The following LRRC58 variants were observed in gnomAD, a reference collection of about 807,000 sequenced individuals.
LRRC58 encodes the protein leucine-rich repeat-containing protein 58.
LRRC58 carries 18 observed loss-of-function variants against 30.6 expected under a neutral mutation model. The ratio of observed to expected loss-of-function variants is 0.59; its 90% CI spans 0.41 to 0.87. LRRC58 has a LOEUF of 0.87. LRRC58 is among the 40% of genes least tolerant of loss of function. LRRC58 has a pLI of 0.00. For missense variants in LRRC58, 420 were observed against 468.4 expected (o/e 0.90, Z 0.95); for synonymous variants, 221 against 206.0 (o/e 1.07, Z -0.62).
Position 120,348,947 on chromosome 3 carries a change from C to T in LRRC58, c.297G>A (p.Lys99=). The stretch of plus-strand genomic sequence containing the variant: ...CACTGGGCCCGCCGAGCCGGTTGTT[C>T]TTGGCCAGCAGCGTGCGCAGGCCGC... ...ALRGLRTLLA[K]NNRLGGPSAL... The change falls in exon 1 of 4, where the codon AAG becomes AAA. Residue 99 remains lysine (K), a synonymous_variant. Transcript: ENST00000295628. 6.4e-7 allele frequency: 1 copy of T among 1,556,870 alleles called. No individual in the cohort carries two copies. The highest frequency in any genetic ancestry group is 8.7e-7 in the Non-Finnish European group (1 of 1,152,866).
chr3:120,336,107 A>G (rs1267915554), intron 1 of LRRC58, among the ~76,000 whole-genome samples, 154 bp from the exon 2 acceptor site: 1 of 152,244 alleles, frequency 6.6e-6, no homozygotes, highest in Non-Finnish European at 1.5e-5. Flanking sequence ...GAAACAATGC[A>G]ATTTTCAGGG....
intron 1 of LRRC58, among the ~76,000 whole-genome samples, chr3:120,339,457 C>A (rs985720625): frequency 5.3e-5 from 8 of 152,086 alleles, no homozygotes; most frequent in African/African-American, 1.9e-4. Context: ...TGGAGTACAT[C>A]CTTCAGAAGT....
chr3:120,336,060 T>A, intron 1 of LRRC58, 107 bp from the exon 2 acceptor site: 1 of 794,644 alleles, frequency 1.3e-6, no homozygotes, highest in Non-Finnish European at 2.0e-6. Flanking sequence ...AGCAAATGTT[T>A]TACTTAAGAT....
At chr3:120,347,618 C>G (rs1487641721) in intron 1 of LRRC58, among the ~76,000 whole-genome samples, 2 of 151,174 alleles carry the variant, frequency 1.3e-5, no homozygotes. Context: ...GTCTCGATCT[C>G]CTGACCTCAT....
At chr3:120,332,647 G>A (rs1935773202) in intron 3 of LRRC58, among the ~76,000 whole-genome samples, 1 of 152,052 alleles carries the variant, frequency 6.6e-6, no homozygotes, top group Non-Finnish European at 1.5e-5. Flanking sequence ...GTATCTCTGA[G>A]AATATAAAAG....
Position 120,348,964 on chromosome 3 carries a change from G to A in LRRC58, c.280C>T (p.Arg94Cys). 1 of 1,539,712 alleles carries A rather than the reference G, an allele frequency of 6.5e-7. No homozygotes were observed. The highest frequency in any genetic ancestry group is 8.7e-7 in the Non-Finnish European group (1 of 1,146,098). The change falls in exon 1 of 4, where the codon CGC becomes TGC. Residue 94 changes from arginine (R) to cysteine (C), a missense_variant. By Grantham distance (180) the Arg-to-Cys change is radical (BLOSUM62 -3). Coordinates refer to ENST00000295628, the MANE Select transcript of LRRC58 (RefSeq NM_001099678.2). The stretch of plus-strand genomic sequence containing the variant: ...CGGTTGTTCTTGGCCAGCAGCGTGC[G>A]CAGGCCGCGCAGAGCGAGCAGCTCC... ...GPELLALRGL[R>C]TLLAKNNRLG...
In LRRC58 at chr3:120,349,139, C is replaced by A. The variant is rs369736137; in HGVS notation, c.105G>T (p.Arg35=). 6.0e-6 allele frequency: 9 copies of A among 1,504,540 alleles called. No individual in the cohort carries two copies. The highest frequency in any genetic ancestry group is 2.7e-5 in the East Asian group (1 of 36,412). The allele number at this position is 1,504,540 out of a possible 1,614,324, so 93.2% of individuals were successfully genotyped here. ...CCCGCGCCCCGCGCCGCTCCTCCCC[C>A]CGCGCCTCCAGCTCAGACTCCAGCG... ...TETLESELEA[R]GEERRGAREA... is the part of the protein sequence containing the mutation. The change falls in exon 1 of 4, where the codon CGG becomes CGT. Residue 35 remains arginine (R), a synonymous_variant. Transcript: ENST00000295628.
intron 1 of LRRC58, among the ~76,000 whole-genome samples, chr3:120,338,459 C>T (rs1935862649): frequency 6.6e-6 from 1 of 152,110 alleles, no homozygotes. Flanking sequence ...AGTGAGAAGA[C>T]AGACAATAAA....
rs1237635923 is a variant in LRRC58 at position 120,325,452 on chromosome 3, C to T, written c.*5748G>A. The T allele has an allele frequency of 6.6e-6, 1 of 152,156 alleles. No homozygotes were observed. The highest frequency in any genetic ancestry group is 1.5e-5 in the Non-Finnish European group (1 of 68,028). The allele number at this position is 152,156 out of a possible 1,614,324, so 9.4% of individuals were successfully genotyped here. A position where few individuals can be genotyped will look rare whatever the true frequency, so the allele number is the denominator to read the frequency against. ...AAATAACCTTCATTAAACTAATACA[C>T]TTTAATATTTACTGGATTGAATACT... On this transcript the variant is annotated 3_prime_UTR_variant, in exon 4 of 4. Transcript: ENST00000295628.
chr3:120,342,070 G>A (rs990932736), intron 1 of LRRC58, among the ~76,000 whole-genome samples: 5 of 152,132 alleles, frequency 3.3e-5, no homozygotes, highest in South Asian at 2.1e-4. Context: ...GTCTTCTCCC[G>A]CTGCCTGGCC....
intron 1 of LRRC58, among the ~76,000 whole-genome samples, chr3:120,337,085 G>T (rs899506668): frequency 6.6e-6 from 1 of 151,982 alleles, no homozygotes; most frequent in African/African-American, 2.4e-5. Flanking sequence ...AAGCTATGAA[G>T]TCCTGACCCC....
In LRRC58 at chr3:120,335,799, A is replaced by G. The variant is rs1232783262; in HGVS notation, c.629+26T>C. The G allele has an allele frequency of 3.1e-6, 5 of 1,590,836 alleles. No homozygotes were observed. The African/African-American group carries it at 4.0e-5, about 13-fold the overall frequency. On this transcript the variant is annotated intron_variant, in intron 2 of 3. Transcript: ENST00000295628. ...AATTACTAAGCATAGATGTCTGCGT[A>G]TATACAAATGCCTGGAACTACTCAC...
At chr3:120,335,611 T>C (rs918224729) in intron 2 of LRRC58, among the ~76,000 whole-genome samples, 4 of 152,002 alleles carry the variant, frequency 2.6e-5, no homozygotes, top group South Asian at 2.1e-4. Context: ...TTACAGAAAA[T>C]AGACTGAACA....
In LRRC58 at chr3:120,349,117, G is replaced by C; in HGVS notation, c.127C>G (p.Arg43Gly). The change falls in exon 1 of 4, where the codon CGG (arginine) becomes GGG (glycine). Residue 43 changes from arginine (R) to glycine (G), a missense_variant. Arg to Gly is a moderately radical substitution (Grantham distance 125). Around this residue, in one of 2 missense-constraint regions of LRRC58, gnomAD observed 266 missense variants for 251.7 expected, o/e 1.06. Transcript: ENST00000295628. ...EARGEERRGA[R>G]EALLRLLLPH... ...AGCAGCAGCCGCAGCAGCGCCTCCCGCGCCCCGCGCCGCTCCTCCCCCCGC... is the reference window on the plus strand; with the variant it reads ...AGCAGCAGCCGCAGCAGCGCCTCCCCCGCCCCGCGCCGCTCCTCCCCCCGC... The C allele has an allele frequency of 6.6e-7, 1 of 1,509,176 alleles. No homozygotes were observed. Among genetic ancestry groups the C allele is most frequent in the Non-Finnish European group, 8.8e-7 (1 of 1,137,354 alleles). The allele number at this position is 1,509,176 out of a possible 1,614,324, so 93.5% of individuals were successfully genotyped here. A position where few individuals can be genotyped will look rare whatever the true frequency, so the allele number is the denominator to read the frequency against.
rs1166701525 is a variant in LRRC58 at position 120,324,828 on chromosome 3, G to A, written c.*6372C>T. 1.3e-5 allele frequency: 2 copies of A among 152,102 alleles called. No individual in the cohort carries two copies. The highest frequency in any genetic ancestry group is 3.9e-4 in the East Asian group (2 of 5,178). The allele number at this position is 152,102 out of a possible 1,614,324, so 9.4% of individuals were successfully genotyped here. Reference sequence around the variant, plus strand: ...ACTTATCCTAAATATAAAAATTGTTGAATCATGTTGCTGAATTACACTTAT... The same window carrying A: ...ACTTATCCTAAATATAAAAATTGTTAAATCATGTTGCTGAATTACACTTAT... On this transcript the variant is annotated 3_prime_UTR_variant, in exon 4 of 4. Transcript: ENST00000295628.
At chr3:120,344,627 GA>G (rs970977064) in intron 1 of LRRC58, among the ~76,000 whole-genome samples, 37 of 152,256 alleles carry the variant, frequency 2.4e-4, no homozygotes, top group African/African-American at 8.9e-4. Flanking sequence ...ATCATGAACA[GA>G]AAAAGGAAGG....
intron 1 of LRRC58, among the ~76,000 whole-genome samples, chr3:120,346,830 C>T (rs1184586306): frequency 1.3e-5 from 2 of 152,184 alleles, no homozygotes; most frequent in Non-Finnish European, 2.9e-5. Flanking sequence ...ATCTCTATCT[C>T]TTCACCCTCT....
rs1935748566 is a variant in LRRC58 at position 120,331,073 on chromosome 3, A to G, written c.*127T>C. ...GTAGATGAAACACAAAATGTTTTAT[A>G]TCATCCCAGACTCTTTGATGAACAC... is the stretch of plus-strand genomic sequence containing the variant. On this transcript the variant is annotated 3_prime_UTR_variant, in exon 4 of 4. Coordinates refer to ENST00000295628, the MANE Select transcript of LRRC58 (RefSeq NM_001099678.2). 2.7e-6 allele frequency: 2 copies of G among 747,636 alleles called. No homozygotes were observed. The highest frequency in any genetic ancestry group is 2.5e-5 in the Admixed American group (1 of 39,896). 46.3% of individuals were successfully genotyped at this position (747,636 alleles called of 1,614,324 possible). A position where few individuals can be genotyped will look rare whatever the true frequency, so the allele number is the denominator to read the frequency against.
intron 1 of LRRC58, among the ~76,000 whole-genome samples, chr3:120,347,032 C>G (rs1011634474): frequency 7.2e-5 from 11 of 152,210 alleles, no homozygotes; most frequent in African/African-American, 2.7e-4. Context: ...AGTAGTTACC[C>G]TCCTTGCCTC....
Sources: gnomAD v4.1 joint callset for allele counts (sites outside exome capture counted in the v4.1 genomes callset) on GRCh38, gnomAD v4.1.1 for gene constraint, gnomAD v4.1.1 regional missense constraint, MANE v1.5 for transcripts, NCBI Gene and HGNC (gene_info 2026-07-23, HGNC 2026-07-21) for gene names.